LRRC4C: variants seen among roughly 807,000 people sequenced by gnomAD.
The protein encoded by LRRC4C is leucine rich repeat containing 4C.
In LRRC4C, 5 loss-of-function variants were observed where a neutral mutation model predicts 33.6. The ratio of observed to expected loss-of-function variants is 0.15; its 90% CI spans 0.08 to 0.31. LRRC4C has a LOEUF of 0.31. LRRC4C is among the 10% of genes least tolerant of loss of function. The pLI is 1.00. For missense variants in LRRC4C, 560 were observed against 796.7 expected, an observed-to-expected ratio of 0.70 and a Z score of 3.58; for synonymous variants, 329 against 302.0, an observed-to-expected ratio of 1.09 and a Z score of -0.93.
intron 1 of LRRC4C, among the ~76,000 whole-genome samples, chr11:41,398,892 C>T (rs891623158): frequency 1.2e-4 from 18 of 151,856 alleles, no homozygotes; most frequent in African/African-American, 4.3e-4. Flanking sequence ...ATTGGCCTCT[C>T]TCCCAAGCAG....
chr11:40,752,612 C>A (rs998432869), intron 2 of LRRC4C, among the ~76,000 whole-genome samples: 5 of 149,810 alleles, frequency 3.3e-5, no homozygotes, highest in East Asian at 2.0e-4. Context: ...ACAGCAACAA[C>A]AAAAAAAAAC....
At chr11:40,588,961 G>A (rs1415273149) in intron 3 of LRRC4C, among the ~76,000 whole-genome samples, 3 of 152,134 alleles carry the variant, frequency 2.0e-5, no homozygotes, top group African/African-American at 7.2e-5. Flanking sequence ...CTGTTGATTT[G>A]GGGTGGAGAG....
Position 40,665,302 on chromosome 11 carries a change from C to T in LRRC4C, c.-406-17024G>A, listed in dbSNP as rs1178576057. Among the ~76,000 whole-genome samples the T allele has an allele frequency of 1.3e-3, 74 of 57,388 alleles. 3 individuals are homozygous for T. The highest frequency in any genetic ancestry group is 4.9e-3 in the African/African-American group (71 of 14,380). 37.6% of individuals were successfully genotyped at this position (57,388 alleles called of 152,430 possible). ...AGAACCCAAAGCCCTGGGGTCATTG[C>T]TTTCTTAAAAAAAAAAAAAAAAAAT... On this transcript the variant is annotated intron_variant, in intron 2 of 6. Coordinates refer to ENST00000528697, the MANE Select transcript of LRRC4C (RefSeq NM_001258419.2).
intron 1 of LRRC4C, among the ~76,000 whole-genome samples, chr11:40,966,097 G>A (rs1386367023): frequency 1.3e-5 from 2 of 151,600 alleles, no homozygotes; most frequent in East Asian, 1.9e-4. Flanking sequence ...CCCTTTAAGG[G>A]CAGATTATGA....
chr11:41,440,755 G>A (rs1590288078), intron 1 of LRRC4C, among the ~76,000 whole-genome samples: 2 of 152,026 alleles, frequency 1.3e-5, no homozygotes, highest in South Asian at 2.1e-4. Flanking sequence ...GAGTTCTCAC[G>A]AGATCTGGTA....
intron 2 of LRRC4C, among the ~76,000 whole-genome samples, chr11:40,764,758 G>A (rs1489498400): frequency 2.0e-5 from 3 of 152,090 alleles, no homozygotes; most frequent in African/African-American, 7.2e-5. Flanking sequence ...TTTTTAGGGG[G>A]GGAACATATG....
At chr11:40,757,846 TG>T (rs998619642) in intron 2 of LRRC4C, among the ~76,000 whole-genome samples, 5 of 152,100 alleles carry the variant, frequency 3.3e-5, no homozygotes, top group Non-Finnish European at 7.4e-5. Context: ...AGCAATACTC[TG>T]GGTGTTACAT....
intron 2 of LRRC4C, among the ~76,000 whole-genome samples, chr11:40,667,238 A>T (rs2136247604): frequency 6.6e-6 from 1 of 152,348 alleles, no homozygotes; most frequent in East Asian, 1.9e-4. Context: ...GTGTTTTCAC[A>T]TTCTATGAGG....
chr11:40,938,808 A>G (rs10768651), intron 1 of LRRC4C, among the ~76,000 whole-genome samples: 149,225 of 152,134 alleles, frequency 0.98, 73,271 homozygotes, highest in South Asian at 1. Context: ...ATTTAATTGC[A>G]CAAATTTCAA....
chr11:40,782,022 C>T (rs1950230722), intron 2 of LRRC4C, among the ~76,000 whole-genome samples: 3 of 152,184 alleles, frequency 2.0e-5, no homozygotes, highest in African/African-American at 7.2e-5. Flanking sequence ...TATTGATTTA[C>T]AATCCCTTAC....
chr11:40,272,704 T>G (rs1162928499), intron 4 of LRRC4C, among the ~76,000 whole-genome samples: 1 of 152,146 alleles, frequency 6.6e-6, no homozygotes, highest in Non-Finnish European at 1.5e-5. Context: ...GAAATGATAA[T>G]TTCAATGAAA....
At chr11:40,948,049 G>T (rs940607182) in intron 1 of LRRC4C, among the ~76,000 whole-genome samples, 1 of 151,944 alleles carries the variant, frequency 6.6e-6, no homozygotes, top group Non-Finnish European at 1.5e-5. Context: ...TTCAGTCATC[G>T]CCAGTGAAGC....
At chr11:40,935,449 C>T (rs1051106596) in intron 1 of LRRC4C, among the ~76,000 whole-genome samples, 15 of 152,220 alleles carry the variant, frequency 9.9e-5, no homozygotes, top group Non-Finnish European at 1.8e-4. Flanking sequence ...ACTTATATGA[C>T]GGTGGTCTCA....
intron 3 of LRRC4C, among the ~76,000 whole-genome samples, chr11:40,565,790 C>T (rs1346564476): frequency 6.6e-6 from 1 of 152,020 alleles, no homozygotes; most frequent in Non-Finnish European, 1.5e-5. Flanking sequence ...TGTCTCAAGT[C>T]TCATAAAATT....
chr11:40,703,889 T>A (rs1946010391), intron 2 of LRRC4C, among the ~76,000 whole-genome samples: 2 of 152,206 alleles, frequency 1.3e-5, no homozygotes, highest in Non-Finnish European at 2.9e-5. Context: ...TAGTAATTAA[T>A]CTTACCATTT....
At chr11:40,169,919 T>C (rs74813898) in intron 5 of LRRC4C, among the ~76,000 whole-genome samples, 4,841 of 152,308 alleles carry the variant, frequency 0.032, 77 homozygotes, top group South Asian at 0.054. Flanking sequence ...AAGTTTTCAA[T>C]TGGTCTTCCT....
intron 1 of LRRC4C, among the ~76,000 whole-genome samples, chr11:41,410,005 G>A (rs1315255875): frequency 1.3e-5 from 2 of 152,194 alleles, no homozygotes; most frequent in Admixed American, 1.3e-4. Flanking sequence ...CTGCTCAGAA[G>A]ATGCATGTAT....
rs145275244 is a variant in LRRC4C, at chr11:40,671,646, AGT to A, written c.-406-23370_-406-23369del. Among the ~76,000 whole-genome samples, 1,256 of 140,470 alleles carry A rather than the reference AGT, an allele frequency of 8.9e-3. 13 individuals carry two copies. The highest frequency in any genetic ancestry group is 0.026 in the African/African-American group (999 of 38,112). The allele number at this position is 140,470 out of a possible 152,430, so 92.2% of individuals were successfully genotyped here. A position where few individuals can be genotyped will look rare whatever the true frequency, so the allele number is the denominator to read the frequency against. ...CATTCCTTCATTCTTGTCCTTATTC[AGT>A]GTGTGTGTGTGTGTGTGTGTGTGTG... On this transcript the variant is annotated intron_variant, in intron 2 of 6. Transcript: ENST00000528697.
intron 5 of LRRC4C, among the ~76,000 whole-genome samples, chr11:40,148,051 A>G (rs560359493): frequency 1.3e-5 from 2 of 152,174 alleles, no homozygotes; most frequent in South Asian, 4.1e-4. Context: ...AGCTTCATCC[A>G]TGTCCATACT....
Sources: gnomAD v4.1 joint callset for allele counts (sites outside exome capture counted in the v4.1 genomes callset) on GRCh38, gnomAD v4.1.1 for gene constraint, MANE v1.5 for transcripts, NCBI Gene and HGNC (gene_info 2026-07-23, HGNC 2026-07-21) for gene names.